Variants in SPATA18 observed in about 807,000 individuals in gnomAD.
SPATA18 encodes the protein spermatogenesis associated 18, also known as mitochondria-eating protein.
Under a neutral mutation model 68.1 loss-of-function variants are expected in SPATA18, and 54 were observed. The ratio of observed to expected loss-of-function variants is 0.79; its 90% CI spans 0.64 to 0.99. The LOEUF (loss-of-function observed/expected upper bound fraction) is 0.99. Among genes scored for constraint, SPATA18 ranks in the 50% least tolerant of loss-of-function variants. SPATA18 has a pLI of 0.00. For missense variants in SPATA18, 724 were observed against 681.1 expected, an observed-to-expected ratio of 1.06 and a Z score of -0.70; for synonymous variants, 242 against 244.8, an observed-to-expected ratio of 0.99 and a Z score of 0.11.
At chr4:52,085,147 A>G (rs547970064) in intron 11 of SPATA18, 148 bp downstream of exon 11, 3 of 593,328 alleles carry the variant, frequency 5.1e-6, no homozygotes, top group African/African-American at 1.9e-5. Flanking sequence ...ATTGATTTTT[A>G]TACTACTGTG....
intron 10 of SPATA18, chr4:52,083,314 T>C (rs1741116666): frequency 9.1e-6 from 9 of 985,356 alleles, no homozygotes; most frequent in Non-Finnish European, 1.1e-5. Flanking sequence ...AACTGAAGAA[T>C]AGGGGAAGTG....
chr4:52,051,678 G>C lies in SPATA18; in HGVS notation c.-27G>C. ...GGTCCCCCCAAGTCTCCATCGCGCA[G>C]CGTGGGGCCGAGAGGAATAGTGAGC... On this transcript the variant is annotated 5_prime_UTR_variant, in exon 1 of 13. Transcript: ENST00000295213. The C allele has an allele frequency of 6.2e-7, 1 of 1,612,052 alleles. No individual in the cohort carries two copies. The highest frequency in any genetic ancestry group is 8.5e-7 in the Non-Finnish European group (1 of 1,178,080).
chr4:52,060,669 T>A lies in SPATA18; in HGVS notation c.194-113T>A, dbSNP rs903594390. ...ATGTGTGTATTCTCTCTTTTTTTTT[T>A]AATTATACTTTAAGTTTTAGGGTAC... On this transcript the variant is annotated intron_variant, in intron 2 of 12. Coordinates refer to ENST00000295213, the MANE Select transcript of SPATA18 (RefSeq NM_145263.4). The A allele has an allele frequency of 2.2e-5, 25 of 1,147,814 alleles. 1 individual carries two copies. Among genetic ancestry groups the A allele is most frequent in the Admixed American group, 4.5e-5 (2 of 44,174 alleles). 71.1% of individuals were successfully genotyped at this position (1,147,814 alleles called of 1,614,324 possible).
At position 52,072,010 on chromosome 4, in the gene SPATA18, G is replaced by A. The variant is rs755355192; in HGVS notation, c.612G>A (p.Glu204=). ...ENRRSEPWSL[E]ERKREQWNSL... ...GGCGGTCAGAGCCTTGGAGCTTGGA[G>A]GAGCGGAAGCGTGAGCAGTGGAACT... Residue 204 remains glutamate, a synonymous_variant, in exon 6 of 13, where the codon GAG becomes GAA. Transcript: ENST00000295213. 2 of 1,613,988 alleles carry A rather than the reference G, an allele frequency of 1.2e-6. No individual in the cohort carries two copies. The highest frequency in any genetic ancestry group is 2.2e-5 in the South Asian group (2 of 91,070).
At chr4:52,094,745 G>T in intron 12 of SPATA18, 135 bp from the exon 13 acceptor site, 1 of 1,341,790 alleles carries the variant, frequency 7.5e-7, no homozygotes, top group African/African-American at 1.4e-5. Flanking sequence ...GGTCCCATGG[G>T]TCATGTAGAA....
Position 52,085,068 on chromosome 4 carries a change from G to A in SPATA18, c.1563+69G>A, listed in dbSNP as rs1013848764. ...TTGGCTTTTTTTTTTTTTTGCTTCA[G>A]CAATACAAAAGAGGTGATTATAAGT... On this transcript the variant is annotated intron_variant, in intron 11 of 12. Coordinates refer to ENST00000295213, the MANE Select transcript of SPATA18 (RefSeq NM_145263.4). 7 of 1,248,676 alleles carry A rather than the reference G, an allele frequency of 5.6e-6. No individual in the cohort carries two copies. In the Middle Eastern group the frequency reaches 8.0e-4, roughly 142 times the overall value. 77.3% of individuals were successfully genotyped at this position (1,248,676 alleles called of 1,614,324 possible).
At position 52,051,616 on chromosome 4, in the gene SPATA18, G is replaced by A; in HGVS notation, c.-89G>A. ...CCCCCCAGAAGAGAACACCCTTCCC[G>A]CCATATCACCCCACGGTCCTGCGGA... On this transcript the variant is annotated 5_prime_UTR_variant, in exon 1 of 13. Transcript: ENST00000295213. 3 of 1,228,114 alleles carry A rather than the reference G, an allele frequency of 2.4e-6. No homozygotes were observed. Among genetic ancestry groups the A allele is most frequent in the Non-Finnish European group, 2.4e-6 (2 of 831,350 alleles). 76.1% of individuals were successfully genotyped at this position (1,228,114 alleles called of 1,614,324 possible). A position where few individuals can be genotyped will look rare whatever the true frequency, so the allele number is the denominator to read the frequency against.
At chr4:52,082,976 C>CA in intron 10 of SPATA18, 2 of 985,204 alleles carry the variant, frequency 2.0e-6, no homozygotes, top group Non-Finnish European at 2.4e-6. Flanking sequence ...GGGATGGAGA[C>CA]AAAGAGGGCA....
intron 7 of SPATA18, among the ~76,000 whole-genome samples, chr4:52,077,437 C>G (rs1443928220): frequency 6.6e-6 from 1 of 150,914 alleles, no homozygotes; most frequent in Non-Finnish European, 1.5e-5. Context: ...TCCTTCCTTC[C>G]TTCCCTTTCA....
At chr4:52,074,204 C>T (rs1045983129) in intron 6 of SPATA18, among the ~76,000 whole-genome samples, 1 of 151,990 alleles carries the variant, frequency 6.6e-6, no homozygotes, top group African/African-American at 2.4e-5. Context: ...CTATTGTACC[C>T]GGAGTACAAA....
intron 1 of SPATA18, among the ~76,000 whole-genome samples, chr4:52,055,107 C>T (rs1175986483): frequency 6.6e-6 from 1 of 151,962 alleles, no homozygotes; most frequent in Non-Finnish European, 1.5e-5. Context: ...GGCTCTTAGC[C>T]CATATTTGTG....
At chr4:52,072,920 C>T (rs1212865665) in intron 6 of SPATA18, among the ~76,000 whole-genome samples, 2 of 151,996 alleles carry the variant, frequency 1.3e-5, no homozygotes, top group Admixed American at 6.5e-5. Flanking sequence ...TTGTGAAATC[C>T]CTTTCTACTT....
chr4:52,088,005 T>C (rs1259393678), intron 11 of SPATA18, among the ~76,000 whole-genome samples: 1 of 152,170 alleles, frequency 6.6e-6, no homozygotes, highest in East Asian at 1.9e-4. Context: ...TAAGTTGTAT[T>C]CCTAGGTATT....
chr4:52,059,388 T>C (rs1307900429), intron 1 of SPATA18, among the ~76,000 whole-genome samples: 1 of 152,252 alleles, frequency 6.6e-6, no homozygotes, highest in Non-Finnish European at 1.5e-5. Context: ...TGTAGTTGTA[T>C]TCCTTCTTCT....
chr4:52,095,009 T>TGGGGTGATACACAGA lies in SPATA18; in HGVS notation c.*122_*123insGGGGTGATACACAGA. 6.9e-6 allele frequency: 8 copies of TGGGGTGATACACAGA among 1,159,682 alleles called. No individual in the cohort carries two copies. Among genetic ancestry groups the TGGGGTGATACACAGA allele is most frequent in the Non-Finnish European group, 1.0e-5 (8 of 770,268 alleles). 71.8% of individuals were successfully genotyped at this position (1,159,682 alleles called of 1,614,324 possible). A position where few individuals can be genotyped will look rare whatever the true frequency, so the allele number is the denominator to read the frequency against. On this transcript the variant is annotated 3_prime_UTR_variant, in exon 13 of 13. Coordinates refer to ENST00000295213, the MANE Select transcript of SPATA18 (RefSeq NM_145263.4). ...GATAATGTCAAAAGGCAATTCTGTGTATCACCCCACACAGAGAGTTAAATG... is the reference window on the plus strand; with the variant it reads ...GATAATGTCAAAAGGCAATTCTGTGTGGGGTGATACACAGAATCACCCCACACAGAGAGTTAAATG...
At chr4:52,051,859 T>C in intron 1 of SPATA18, 68 bp downstream of exon 1, 1 of 1,461,962 alleles carries the variant, frequency 6.8e-7, no homozygotes, top group Non-Finnish European at 9.5e-7. Context: ...TTGTCGGGGA[T>C]TTCTTAGGGC....
At chr4:52,058,551 G>C (rs1206967303) in intron 1 of SPATA18, among the ~76,000 whole-genome samples, 2 of 152,164 alleles carry the variant, frequency 1.3e-5, no homozygotes, top group Non-Finnish European at 2.9e-5. Context: ...TGCCAAACTT[G>C]TTCCTGTCAC....
intron 1 of SPATA18, among the ~76,000 whole-genome samples, chr4:52,056,572 C>A (rs1252150043): frequency 1.3e-5 from 2 of 152,150 alleles, no homozygotes; most frequent in Non-Finnish European, 2.9e-5. Flanking sequence ...TGTTCAAACC[C>A]AAACTCAGGA....
rs762303230 is a variant in SPATA18 at position 52,076,932 on chromosome 4, C to T, written c.912C>T (p.Ser304=). The T allele has an allele frequency of 2.5e-6, 4 of 1,614,196 alleles. No individual in the cohort carries two copies. Among genetic ancestry groups the T allele is most frequent in the Non-Finnish European group, 8.5e-7 (1 of 1,180,028 alleles). Residue 304 remains serine, a synonymous_variant, in exon 7 of 13, where the codon TCC becomes TCT. Coordinates refer to ENST00000295213, the MANE Select transcript of SPATA18 (RefSeq NM_145263.4). ...TGGCGCGCAAGGCTGCCCTCTTGTC[C>T]CGGTTCAGCGATTCCTATTCCCAGG... The part of the protein sequence containing the change: ...SNVARKAALL[S]RFSDSYSQAR...
Sources: gnomAD v4.1 joint callset for allele counts (sites outside exome capture counted in the v4.1 genomes callset) on GRCh38, gnomAD v4.1.1 for gene constraint, MANE v1.5 for transcripts, NCBI Gene and HGNC (gene_info 2026-07-23, HGNC 2026-07-21) for gene names.